Variants in C12orf54 observed in about 807,000 individuals in gnomAD.
C12orf54 encodes the protein chromosome 12 open reading frame 54.
In C12orf54, 24 loss-of-function variants were observed where a neutral mutation model predicts 26.4. The ratio of observed to expected loss-of-function variants is 0.91; its 90% CI spans 0.66 to 1.28. C12orf54 has a LOEUF of 1.28. C12orf54 is among the 50% of genes most tolerant of loss of function. The pLI, the probability that C12orf54 is intolerant of heterozygous loss-of-function variation, is 0.00. For missense variants in C12orf54, 154 were observed against 150.9 expected (o/e 1.02, Z -0.11); for synonymous variants, 54 against 47.0 (o/e 1.15, Z -0.61).
the C12orf54 span, among the ~76,000 whole-genome samples, chr12:48,443,926 G>A: frequency 4.2e-4 from 64 of 152,196 alleles, no homozygotes; most frequent in African/African-American, 1.2e-3. Flanking sequence ...TCCAAACACC[G>A]CCCAGCATTA....
chr12:48,473,498 T>C, the C12orf54 span: 3 of 396,444 alleles, frequency 7.6e-6, no homozygotes, highest in East Asian at 2.0e-4. Flanking sequence ...TCCTGCCCCC[T>C]GAAACTTATT....
At chr12:48,486,541 C>A in intron 3 of C12orf54, 147 bp from the exon 4 acceptor site, 1 of 809,756 alleles carries the variant, frequency 1.2e-6, no homozygotes, top group Non-Finnish European at 2.0e-6. Context: ...CTGCAGGAGA[C>A]TTTTGGCTGC....
chr12:48,486,766 G>A (rs1592200497), intron 4 of C12orf54, 40 bp downstream of exon 4: 1 of 1,582,460 alleles, frequency 6.3e-7, no homozygotes, highest in Non-Finnish European at 8.7e-7. Context: ...ATGGCATGAG[G>A]TGGGAGGTGG....
the C12orf54 span, among the ~76,000 whole-genome samples, chr12:48,439,242 G>A: frequency 1.3e-5 from 2 of 152,154 alleles, no homozygotes; most frequent in African/African-American, 2.4e-5. Flanking sequence ...AAAAAGTCAG[G>A]AAACAACAGG....
the C12orf54 span, among the ~76,000 whole-genome samples, chr12:48,469,641 A>C: frequency 3.9e-5 from 6 of 152,208 alleles, no homozygotes; most frequent in African/African-American, 1.4e-4. Flanking sequence ...AGGCATAGGA[A>C]ATTATAAGAG....
the C12orf54 span, among the ~76,000 whole-genome samples, chr12:48,475,627 A>G: frequency 6.6e-6 from 1 of 152,256 alleles, no homozygotes; most frequent in Admixed American, 6.5e-5. Flanking sequence ...GATGCGATCA[A>G]CTGGAAGAAA....
At chr12:48,464,027 A>G in the C12orf54 span, among the ~76,000 whole-genome samples, 17 of 151,630 alleles carry the variant, frequency 1.1e-4, no homozygotes, top group Non-Finnish European at 2.4e-4. Context: ...AGGCACAAGG[A>G]TACCCTCTCT....
chr12:48,473,400 G>C, the C12orf54 span: 1 of 834,100 alleles, frequency 1.2e-6, no homozygotes, highest in Non-Finnish European at 1.9e-6. Flanking sequence ...AGATGAGGGA[G>C]AAGACGATGC....
intron 2 of C12orf54, among the ~76,000 whole-genome samples, chr12:48,485,030 T>C (rs1333208126): frequency 1.3e-5 from 2 of 152,212 alleles, no homozygotes; most frequent in African/African-American, 4.8e-5. Flanking sequence ...AGGAGTCTCC[T>C]CTTAACTGGA....
At chr12:48,439,909 A>T in the C12orf54 span, among the ~76,000 whole-genome samples, 1 of 152,126 alleles carries the variant, frequency 6.6e-6, no homozygotes, top group African/African-American at 2.4e-5. Flanking sequence ...ATAATAAAAT[A>T]AAAAAATAAA....
upstream of C12orf54, among the ~76,000 whole-genome samples, chr12:48,479,617 T>C (rs1431967162): frequency 6.6e-6 from 1 of 151,598 alleles, no homozygotes; most frequent in Non-Finnish European, 1.5e-5. Flanking sequence ...TTTTTTTTCA[T>C]ACACCCGAGC....
chr12:48,481,418 G>A (rs896908915), upstream of C12orf54, among the ~76,000 whole-genome samples: 2 of 152,088 alleles, frequency 1.3e-5, no homozygotes, highest in Non-Finnish European at 2.9e-5. Flanking sequence ...CTCTTAGAGG[G>A]TGGGAGAGAG....
the C12orf54 span, among the ~76,000 whole-genome samples, chr12:48,461,999 G>A: frequency 6.6e-6 from 1 of 151,638 alleles, no homozygotes; most frequent in Non-Finnish European, 1.5e-5. Flanking sequence ...AAAAGAGATG[G>A]AGGGAGAGAG....
At chr12:48,448,022 CA>C in the C12orf54 span, among the ~76,000 whole-genome samples, 19,270 of 150,944 alleles carry the variant, frequency 0.13, 1,640 homozygotes, top group Non-Finnish European at 0.2. Context: ...TGGCAGCTAG[CA>C]AAAAAAACAG....
At chr12:48,416,413 T>G in the C12orf54 span, among the ~76,000 whole-genome samples, 1 of 152,224 alleles carries the variant, frequency 6.6e-6, no homozygotes, top group Non-Finnish European at 1.5e-5. Context: ...GCATTAGCTC[T>G]TTCTTCTGAC....
upstream of C12orf54, among the ~76,000 whole-genome samples, chr12:48,479,624 G>A (rs1266529585): frequency 2.7e-5 from 4 of 150,042 alleles, no homozygotes; most frequent in Admixed American, 6.6e-5. Context: ...TCATACACCC[G>A]AGCACGGAAA....
At chr12:48,417,946 G>T in the C12orf54 span, among the ~76,000 whole-genome samples, 1 of 152,134 alleles carries the variant, frequency 6.6e-6, no homozygotes, top group Non-Finnish European at 1.5e-5. Flanking sequence ...AGTATTCCAT[G>T]GTGTATATGT....
At position 48,492,776 on chromosome 12, in the gene C12orf54, G is replaced by A. The variant is rs1937819348; in HGVS notation, c.194-171G>A. The A allele has an allele frequency of 9.8e-6, 6 of 614,828 alleles. 1 individual carries two copies. The highest frequency in any genetic ancestry group is 7.5e-5 in the South Asian group (4 of 53,338). 38.1% of individuals were successfully genotyped at this position (614,828 alleles called of 1,614,324 possible). On this transcript the variant is annotated intron_variant, in intron 6 of 8. Coordinates refer to ENST00000548364, the MANE Select transcript of C12orf54 (RefSeq NM_152319.4). ...TGCTTCACAGGGGGCCAGATTTCTG[G>A]TGCCACATTCTGCAACTGCCTCTCT... is the stretch of plus-strand genomic sequence containing the variant.
At chr12:48,428,031 T>G in the C12orf54 span, among the ~76,000 whole-genome samples, 21 of 152,000 alleles carry the variant, frequency 1.4e-4, no homozygotes, top group African/African-American at 4.6e-4. Flanking sequence ...TTCAAAACCA[T>G]GAAAATACAT....
Sources: allele counts gnomAD v4.1 joint callset (sites outside exome capture counted in the v4.1 genomes callset), GRCh38; gene constraint gnomAD v4.1.1; transcripts MANE v1.5; gene names NCBI Gene and HGNC (gene_info 2026-07-23, HGNC 2026-07-21).